FHIT: variants seen among roughly 807,000 people sequenced by gnomAD.
The protein encoded by FHIT is bis(5'-adenosyl)-triphosphatase.
In FHIT, 19 loss-of-function variants were observed where a neutral mutation model predicts 17.9. That is an observed-to-expected ratio of 1.06 (90% CI 0.74 to 1.56). FHIT has a LOEUF of 1.56. FHIT is among the 40% of genes most tolerant of loss of function. The pLI is 0.00. For synonymous variants in FHIT, 81 were observed against 69.7 expected (o/e 1.16, Z -0.81); for missense variants, 248 against 189.2 (o/e 1.31, Z -1.82).
At chr3:60,093,479 T>A (rs1001405708) in intron 5 of FHIT, among the ~76,000 whole-genome samples, 4 of 152,174 alleles carry the variant, frequency 2.6e-5, no homozygotes, top group Non-Finnish European at 5.9e-5. Context: ...CTCAATTCCA[T>A]CTGCAACCTT....
intron 5 of FHIT, among the ~76,000 whole-genome samples, chr3:60,478,323 C>A (rs1479830026): frequency 6.6e-6 from 1 of 152,190 alleles, no homozygotes; most frequent in African/African-American, 2.4e-5. Context: ...TAACCTGGGT[C>A]TTTTGCTGGC....
intron 4 of FHIT, among the ~76,000 whole-genome samples, chr3:60,745,603 G>T (rs549366000): frequency 6.6e-6 from 1 of 152,158 alleles, no homozygotes; most frequent in South Asian, 2.1e-4. Flanking sequence ...GGTAGATCCA[G>T]GTAGACCAAG....
chr3:60,747,189 GC>G (rs1297737435), intron 4 of FHIT, among the ~76,000 whole-genome samples: 2 of 151,160 alleles, frequency 1.3e-5, no homozygotes, highest in African/African-American at 4.9e-5. Context: ...TGCACTGAAT[GC>G]CCTTCCTCCT....
At chr3:60,377,770 C>T (rs996001185) in intron 5 of FHIT, among the ~76,000 whole-genome samples, 13 of 151,632 alleles carry the variant, frequency 8.6e-5, no homozygotes, top group African/African-American at 2.7e-4. Flanking sequence ...CGTGAGCCAC[C>T]GCGCCCGGCC....
At chr3:60,557,495 T>C (rs1447149345) in intron 4 of FHIT, among the ~76,000 whole-genome samples, 5 of 151,764 alleles carry the variant, frequency 3.3e-5, no homozygotes, top group South Asian at 2.1e-4. Flanking sequence ...TGGTTTTCCA[T>C]AGGTATAAAG....
intron 5 of FHIT, among the ~76,000 whole-genome samples, chr3:60,132,104 G>C (rs370284797): frequency 6.6e-6 from 1 of 152,150 alleles, no homozygotes; most frequent in South Asian, 2.1e-4. Context: ...CTTTCAGGCT[G>C]AGACAGAACC....
chr3:60,881,107 C>T (rs1704955263), intron 3 of FHIT, among the ~76,000 whole-genome samples: 1 of 152,094 alleles, frequency 6.6e-6, no homozygotes, highest in Non-Finnish European at 1.5e-5. Flanking sequence ...GAAAAAGATA[C>T]TCCATGCAAA....
chr3:59,750,418 C>G (rs1700829774), intron 9 of FHIT: 2 of 224,446 alleles, frequency 8.9e-6, no homozygotes, highest in African/African-American at 4.5e-5. Flanking sequence ...AAATGACATA[C>G]TGGCCTTCAT....
intron 3 of FHIT, among the ~76,000 whole-genome samples, chr3:60,973,513 C>G (rs1026160752): frequency 6.6e-6 from 1 of 152,138 alleles, no homozygotes; most frequent in African/African-American, 2.4e-5. Flanking sequence ...CCTCTGGGAT[C>G]TTGTTTCCTC....
At chr3:60,759,209 T>C (rs1294436972) in intron 4 of FHIT, among the ~76,000 whole-genome samples, 1 of 152,114 alleles carries the variant, frequency 6.6e-6, no homozygotes, top group African/African-American at 2.4e-5. Flanking sequence ...AGAACAGTGA[T>C]AGGAATTGAT....
chr3:61,229,149 C>A (rs1208360471), intron 1 of FHIT, among the ~76,000 whole-genome samples: 1 of 152,004 alleles, frequency 6.6e-6, no homozygotes, highest in Non-Finnish European at 1.5e-5. Context: ...AAAAAAAAGT[C>A]TTTGCAAATA....
chr3:61,236,150 T>C (rs2040225271), intron 1 of FHIT, among the ~76,000 whole-genome samples: 1 of 148,630 alleles, frequency 6.7e-6, no homozygotes, highest in African/African-American at 2.4e-5. Flanking sequence ...CTATATTTAC[T>C]ATATGTATTA....
chr3:60,245,844 G>C (rs71313758), intron 5 of FHIT, among the ~76,000 whole-genome samples: 66,006 of 151,398 alleles, frequency 0.44, 15,184 homozygotes, highest in African/African-American at 0.59. Context: ...AATTATCTGG[G>C]CATTAACAAG....
chr3:60,066,655 TTTTTTTTTTTTTTTTTTTTG>T (rs1281378831), intron 5 of FHIT, among the ~76,000 whole-genome samples: 2 of 106,130 alleles, frequency 1.9e-5, no homozygotes, highest in African/African-American at 3.6e-5. Flanking sequence ...TTTTTTTTTT[TTTTTTTTTTTTTTTTTTTTG>T]AGATGGAGTC....
intron 5 of FHIT, among the ~76,000 whole-genome samples, chr3:60,147,944 T>A (rs1374806163): frequency 3.3e-5 from 5 of 152,326 alleles, no homozygotes; most frequent in African/African-American, 4.8e-5. Flanking sequence ...AAGGCTCTGA[T>A]GAAATCAATT....
chr3:60,338,244 G>A (rs568464910), intron 5 of FHIT, among the ~76,000 whole-genome samples: 16 of 152,140 alleles, frequency 1.1e-4, no homozygotes, highest in East Asian at 1.9e-4. Flanking sequence ...CTACTAGCCC[G>A]AAGACCTGTC....
At chr3:61,003,135 T>C (rs2031210201) in intron 3 of FHIT, among the ~76,000 whole-genome samples, 1 of 152,220 alleles carries the variant, frequency 6.6e-6, no homozygotes, top group Non-Finnish European at 1.5e-5. Flanking sequence ...GGTTTTTATA[T>C]AAATAATTTA....
chr3:61,082,718 T>A (rs1204054256), intron 2 of FHIT, among the ~76,000 whole-genome samples: 1 of 152,252 alleles, frequency 6.6e-6, no homozygotes, highest in Non-Finnish European at 1.5e-5. Flanking sequence ...CAATCTTCTT[T>A]CATTTTAGTC....
At chr3:59,858,232 C>T (rs1305212615) in intron 8 of FHIT, among the ~76,000 whole-genome samples, 5 of 140,782 alleles carry the variant, frequency 3.6e-5, no homozygotes, top group African/African-American at 5.4e-5. Context: ...CCTTTTCCCA[C>T]CTTCTTTTTT....
Sources: gnomAD v4.1 joint callset for allele counts (sites outside exome capture counted in the v4.1 genomes callset) on GRCh38, gnomAD v4.1.1 for gene constraint, MANE v1.5 for transcripts, NCBI Gene and HGNC (gene_info 2026-07-23, HGNC 2026-07-21) for gene names.